Variants in KLHDC1 observed in about 807,000 individuals in gnomAD.
The protein encoded by KLHDC1 is kelch domain-containing protein 1.
Under a neutral mutation model 68.3 loss-of-function variants are expected in KLHDC1, and 53 were observed. The observed-to-expected ratio is 0.78, with a 90% CI of 0.62 to 0.98. KLHDC1 has a LOEUF of 0.98. Among genes scored for constraint, KLHDC1 ranks in the 50% least tolerant of loss-of-function variants. The pLI is 0.00. For missense variants in KLHDC1, 470 were observed against 492.3 expected (o/e 0.95, Z 0.43); for synonymous variants, 148 against 159.0 (o/e 0.93, Z 0.52).
At chr14:49,701,567 G>T (rs2139730226) in intron 1 of KLHDC1, among the ~76,000 whole-genome samples, 1 of 152,250 alleles carries the variant, frequency 6.6e-6, no homozygotes, top group African/African-American at 2.4e-5. Flanking sequence ...GCTGAGGCAG[G>T]AGAATTGCTT....
At chr14:49,704,142 G>A (rs1011099985) in intron 1 of KLHDC1, among the ~76,000 whole-genome samples, 2 of 152,162 alleles carry the variant, frequency 1.3e-5, no homozygotes, top group Non-Finnish European at 2.9e-5. Context: ...CCGTTCCAGT[G>A]AGTGTGACAT....
chr14:49,693,742 C>A (rs141270818), intron 1 of KLHDC1, among the ~76,000 whole-genome samples: 46 of 60,966 alleles, frequency 7.5e-4, no homozygotes, highest in Admixed American at 4.6e-3. Context: ...ATTTTCTTTT[C>A]TTTTTCTTTT....
At chr14:49,710,088 T>A (rs1026238947) in intron 3 of KLHDC1, among the ~76,000 whole-genome samples, 175 bp from the exon 4 acceptor site, 1 of 152,212 alleles carries the variant, frequency 6.6e-6, no homozygotes, top group African/African-American at 2.4e-5. Flanking sequence ...GTTTTATATA[T>A]CATTTTTACT....
chr14:49,696,793 G>A (rs151255004), intron 1 of KLHDC1, among the ~76,000 whole-genome samples: 2 of 152,260 alleles, frequency 1.3e-5, no homozygotes, highest in Admixed American at 1.3e-4. Flanking sequence ...GGCACAAGAG[G>A]CCTAGCTTTT....
chr14:49,736,682 C>T (rs927232399), intron 10 of KLHDC1, among the ~76,000 whole-genome samples: 1 of 152,210 alleles, frequency 6.6e-6, no homozygotes, highest in Admixed American at 6.5e-5. Context: ...CTAGGTTTCT[C>T]AACCTTGGCA....
intron 4 of KLHDC1, among the ~76,000 whole-genome samples, chr14:49,723,188 C>G (rs1888579159): frequency 6.7e-6 from 1 of 149,654 alleles, no homozygotes; most frequent in Non-Finnish European, 1.5e-5. Flanking sequence ...CCTCATGATT[C>G]AATTACCTCC....
chr14:49,703,345 T>A (rs1479933726), intron 1 of KLHDC1, among the ~76,000 whole-genome samples: 1 of 138,160 alleles, frequency 7.2e-6, no homozygotes, highest in Non-Finnish European at 1.6e-5. Context: ...CTTTCATGAA[T>A]TTTTTTTTTT....
rs374792396 is a variant in KLHDC1 at position 49,746,735 on chromosome 14, CTT to C, written c.1034+2933_1034+2934del. Reference sequence around the variant, plus strand: ...CTTTGGCCCTGGCTCACCACAGTCCCTTTTCTTGACTGATTTTAGCATCTGTG... The same window carrying C: ...CTTTGGCCCTGGCTCACCACAGTCCCTTCTTGACTGATTTTAGCATCTGTG... On this transcript the variant is annotated intron_variant, in intron 12 of 12. Coordinates refer to ENST00000359332, the MANE Select transcript of KLHDC1 (RefSeq NM_172193.3). Among the ~76,000 whole-genome samples, 59 of 152,294 alleles carry C rather than the reference CTT, an allele frequency of 3.9e-4. No individual in the cohort carries two copies. The East Asian group carries it at 9.6e-3, about 25-fold the overall frequency.
At chr14:49,736,044 A>AT (rs1299384765) in intron 10 of KLHDC1, among the ~76,000 whole-genome samples, 2 of 152,098 alleles carry the variant, frequency 1.3e-5, no homozygotes, top group Non-Finnish European at 2.9e-5. Context: ...CTGAGCATCG[A>AT]TTTTTTCATC....
At chr14:49,697,648 C>T (rs1180691563) in intron 1 of KLHDC1, among the ~76,000 whole-genome samples, 1 of 152,120 alleles carries the variant, frequency 6.6e-6, no homozygotes, top group Non-Finnish European at 1.5e-5. Flanking sequence ...TATGCCTATA[C>T]TGTGTGTGTT....
intron 12 of KLHDC1, among the ~76,000 whole-genome samples, chr14:49,744,315 TGTGTGTGTGTA>T: frequency 6.6e-6 from 1 of 151,522 alleles, no homozygotes; most frequent in African/African-American, 2.4e-5. Context: ...TGTGTGTGTG[TGTGTGTGTGTA>T]TGTACACATA....
chr14:49,740,111 G>C lies in KLHDC1; in HGVS notation c.910G>C (p.Ala304Pro). ...TTTCAATCATAGGTTATGGCACACAGCCTGTTTGGGAAAAGAAAATGAAAT... is the reference window on the plus strand; with the variant it reads ...TTTCAATCATAGGTTATGGCACACACCCTGTTTGGGAAAAGAAAATGAAAT... ...PKTRPRLWHTACLGKENEIMV... is the reference protein window; with the variant it reads ...PKTRPRLWHTPCLGKENEIMV... The change falls in exon 11 of 13, where the codon GCC (alanine) becomes CCC (proline). Residue 304 changes from alanine (A) to proline (P), a missense_variant. Coordinates refer to ENST00000359332, the MANE Select transcript of KLHDC1 (RefSeq NM_172193.3). 1.2e-6 allele frequency: 2 copies of C among 1,609,154 alleles called. No individual in the cohort carries two copies. The highest frequency in any genetic ancestry group is 1.7e-6 in the Non-Finnish European group (2 of 1,175,842).
At chr14:49,726,420 AC>A (rs1888672703) in intron 6 of KLHDC1, among the ~76,000 whole-genome samples, 1 of 152,122 alleles carries the variant, frequency 6.6e-6, no homozygotes, top group African/African-American at 2.4e-5. Context: ...AACAAATAAA[AC>A]AAAAAAATGC....
chr14:49,738,248 A>T (rs984379166), intron 10 of KLHDC1, among the ~76,000 whole-genome samples: 1 of 152,110 alleles, frequency 6.6e-6, no homozygotes, highest in South Asian at 2.1e-4. Context: ...AGAATATTAG[A>T]TGCTCTACTC....
chr14:49,720,532 T>A (rs1200333144), intron 4 of KLHDC1, among the ~76,000 whole-genome samples: 1 of 152,150 alleles, frequency 6.6e-6, no homozygotes, highest in Admixed American at 6.5e-5. Flanking sequence ...ATAATTTGAT[T>A]AAATATGCAT....
At chr14:49,707,306 G>GAA (rs1356252240) in intron 1 of KLHDC1, among the ~76,000 whole-genome samples, 2 of 148,284 alleles carry the variant, frequency 1.3e-5, no homozygotes, top group African/African-American at 2.5e-5. Flanking sequence ...GTGAGAGAGA[G>GAA]AGAGAGAGAG....
intron 10 of KLHDC1, among the ~76,000 whole-genome samples, chr14:49,735,373 A>C (rs1888906915): frequency 6.6e-6 from 1 of 152,020 alleles, no homozygotes; most frequent in Non-Finnish European, 1.5e-5. Flanking sequence ...GAATTTTAAA[A>C]ATACAGATTA....
rs202161006 is a variant in KLHDC1 at position 49,703,497 on chromosome 14, C to T, written c.97-5662C>T. Among the ~76,000 whole-genome samples the T allele has an allele frequency of 1.6e-4, 24 of 152,192 alleles. No homozygotes were observed. In the East Asian group the frequency reaches 4.2e-3, roughly 27 times the overall value. Reference sequence around the variant, plus strand: ...AGCTGGGATTACAGGTGCCCGCCACCACACCCAGCTAATTTTTGTATTTGT... The same window carrying T: ...AGCTGGGATTACAGGTGCCCGCCACTACACCCAGCTAATTTTTGTATTTGT... On this transcript the variant is annotated intron_variant, in intron 1 of 12. Coordinates refer to ENST00000359332, the MANE Select transcript of KLHDC1 (RefSeq NM_172193.3).
rs376887464 is a variant in KLHDC1, at chr14:49,715,640, G to A, written c.404+5259G>A. Among the ~76,000 whole-genome samples the A allele has an allele frequency of 3.7e-4, 55 of 148,758 alleles. 1 individual carries two copies. In the South Asian group the frequency reaches 8.7e-3, roughly 24 times the overall value. On this transcript the variant is annotated intron_variant, in intron 4 of 12. Transcript: ENST00000359332. ...GGTACCTGTAGTTCCACCTACTTAG[G>A]AGGCTGAGGCGGGAGAATTGCTTGA...
Sources: gnomAD v4.1 joint callset for allele counts (sites outside exome capture counted in the v4.1 genomes callset) on GRCh38, gnomAD v4.1.1 for gene constraint, MANE v1.5 for transcripts, NCBI Gene and HGNC (gene_info 2026-07-23, HGNC 2026-07-21) for gene names.